Variants in GLI4 observed in about 807,000 individuals in gnomAD.
The protein encoded by GLI4 is zinc finger protein GLI4.
In GLI4, 34 loss-of-function variants were observed where a neutral mutation model predicts 30.9. That is an observed-to-expected ratio of 1.10 (90% CI 0.84 to 1.47). GLI4 has a LOEUF of 1.47. GLI4 is among the 40% of genes most tolerant of loss of function. The pLI is 0.00. For missense variants in GLI4, 696 were observed against 538.9 expected (o/e 1.29, Z -2.89); for synonymous variants, 277 against 236.7 (o/e 1.17, Z -1.56).
intron 1 of GLI4, 65 bp downstream of exon 1, chr8:143,267,549 CGCCGTACTCCGCGGTGCA>C (rs1430825765): frequency 1.4e-5 from 14 of 985,364 alleles, no homozygotes; most frequent in Non-Finnish European, 1.7e-5. Context: ...CGAGCTCGTG[CGCCGTACTCCGCGGTGCA>C]GCCCTGCCCA....
Position 143,275,801 on chromosome 8 carries a change from C to T in GLI4, c.224-96C>T, listed in dbSNP as rs1815370926. ...GGCCCCTCCTTGTCCCCTCTAAGCC[C>T]CCCCGTCCAGCTCTGCTCTCACTCC... On this transcript the variant is annotated intron_variant, in intron 3 of 3. Transcript: ENST00000340042. 3.2e-6 allele frequency: 4 copies of T among 1,247,468 alleles called. No individual in the cohort carries two copies. In the South Asian group the frequency reaches 1.4e-4, roughly 45 times the overall value. 77.3% of individuals were successfully genotyped at this position (1,247,468 alleles called of 1,614,324 possible). A position where few individuals can be genotyped will look rare whatever the true frequency, so the allele number is the denominator to read the frequency against.
Position 143,276,814 on chromosome 8 carries a change from G to T in GLI4, c.*10G>T. ...GCACTACCGCGAGTAGCCGGGCGGG[G>T]GCTCGGGGCTCGGCCTCCTACCTGC... On this transcript the variant is annotated 3_prime_UTR_variant, in exon 4 of 4. Coordinates refer to ENST00000340042, the MANE Select transcript of GLI4 (RefSeq NM_138465.4). 3.3e-6 allele frequency: 5 copies of T among 1,507,598 alleles called. No individual in the cohort carries two copies. The highest frequency in any genetic ancestry group is 4.4e-6 in the Non-Finnish European group (5 of 1,125,534). 93.4% of individuals were successfully genotyped at this position (1,507,598 alleles called of 1,614,324 possible).
intron 2 of GLI4, among the ~76,000 whole-genome samples, chr8:143,271,892 G>A (rs757353579): frequency 1.8e-4 from 28 of 152,246 alleles, no homozygotes; most frequent in Non-Finnish European, 2.9e-4. Flanking sequence ...GAGACCAGGC[G>A]GTGGGAACAG....
Position 143,276,810 on chromosome 8 carries a change from C to A in GLI4, c.*6C>A. On this transcript the variant is annotated 3_prime_UTR_variant, in exon 4 of 4. Transcript: ENST00000340042. ...GGGTGCACTACCGCGAGTAGCCGGG[C>A]GGGGGCTCGGGGCTCGGCCTCCTAC... 2 of 1,524,988 alleles carry A rather than the reference C, an allele frequency of 1.3e-6. No homozygotes were observed. Among genetic ancestry groups the A allele is most frequent in the South Asian group, 1.2e-5 (1 of 80,832 alleles). 94.5% of individuals were successfully genotyped at this position (1,524,988 alleles called of 1,614,324 possible). A position where few individuals can be genotyped will look rare whatever the true frequency, so the allele number is the denominator to read the frequency against.
Position 143,276,125 on chromosome 8 carries a change from C to G in GLI4, c.452C>G (p.Ala151Gly). 6.6e-7 allele frequency: 1 copy of G among 1,520,648 alleles called. No individual in the cohort carries two copies. Among genetic ancestry groups the G allele is most frequent in the Non-Finnish European group, 8.8e-7 (1 of 1,137,324 alleles). 94.2% of individuals were successfully genotyped at this position (1,520,648 alleles called of 1,614,324 possible). A position where few individuals can be genotyped will look rare whatever the true frequency, so the allele number is the denominator to read the frequency against. Reference protein sequence around the residue: ...GAWRVTLVQQAAAGPEGAPER... With the variant: ...GAWRVTLVQQGAAGPEGAPER... Reference sequence around the variant, plus strand: ...TGGCGCGTGACGCTCGTGCAGCAAGCAGCGGCCGGGCCCGAGGGTGCGCCC... The same window carrying G: ...TGGCGCGTGACGCTCGTGCAGCAAGGAGCGGCCGGGCCCGAGGGTGCGCCC... Residue 151 changes from alanine to glycine, a missense_variant, in exon 4 of 4, where the codon GCA (alanine) becomes GGA (glycine). Transcript: ENST00000340042.
Position 143,276,150 on chromosome 8 carries a change from C to G in GLI4, c.477C>G (p.Pro159=), listed in dbSNP as rs749278881. The G allele has an allele frequency of 1.5e-4, 226 of 1,546,546 alleles. 1 individual carries two copies. The highest frequency in any genetic ancestry group is 1.3e-3 in the Middle Eastern group (6 of 4,740). Residue 159 remains proline, a synonymous_variant, in exon 4 of 4, where the codon CCC becomes CCG. Transcript: ENST00000340042. ...CAGCGGCCGGGCCCGAGGGTGCGCC[C>G]GAGCGGGCTGCCGAGCTGGGAGTCA... The part of the protein sequence containing the change: ...QQAAAGPEGA[P]ERAAELGVNF...
intron 1 of GLI4, chr8:143,267,878 C>T: frequency 2.0e-6 from 2 of 985,458 alleles, no homozygotes; most frequent in Non-Finnish European, 1.2e-6. Context: ...GCCGAGCTCC[C>T]GGCGATTGGG....
Position 143,274,774 on chromosome 8 carries a change from G to A in GLI4, c.195G>A (p.Val65=), listed in dbSNP as rs1461324401. The A allele has an allele frequency of 2.5e-6, 4 of 1,569,252 alleles. No individual in the cohort carries two copies. The highest frequency in any genetic ancestry group is 1.2e-5 in the South Asian group (1 of 86,206). The part of the protein sequence containing the change: ...SDLDLQDVEE[V]EIGRDTFWPD... ...TGGATCTCCAAGACGTAGAGGAAGT[G>A]GAGATCGGCAGAGACACCTTCTGGC... The change falls in exon 3 of 4, where the codon GTG becomes GTA. Residue 65 remains valine (V), a synonymous_variant. Coordinates refer to ENST00000340042, the MANE Select transcript of GLI4 (RefSeq NM_138465.4).
chr8:143,276,018 C>T lies in GLI4; in HGVS notation c.345C>T (p.Ala115=), dbSNP rs759536086. The change falls in exon 4 of 4, where the codon GCC becomes GCT. Residue 115 remains alanine (A), a synonymous_variant. Transcript: ENST00000340042. ...TTCCCCGCAGGGCCCGGTGCAGCGCCGGCTTCGGGCCTGAATCCAGCGCGG... is the reference window on the plus strand; with the variant it reads ...TTCCCCGCAGGGCCCGGTGCAGCGCTGGCTTCGGGCCTGAATCCAGCGCGG... ...RSLPRRARCS[A]GFGPESSAER... is the part of the protein sequence containing the mutation. 1.9e-5 allele frequency: 27 copies of T among 1,408,794 alleles called. No individual in the cohort carries two copies. The highest frequency in any genetic ancestry group is 1.5e-4 in the Admixed American group (5 of 33,716). The allele number at this position is 1,408,794 out of a possible 1,614,324, so 87.3% of individuals were successfully genotyped here. A position where few individuals can be genotyped will look rare whatever the true frequency, so the allele number is the denominator to read the frequency against.
Position 143,276,710 on chromosome 8 carries a change from C to G in GLI4, c.1037C>G (p.Thr346Arg), listed in dbSNP as rs1471822087. 3 of 1,611,030 alleles carry G rather than the reference C, an allele frequency of 1.9e-6. No homozygotes were observed. Among genetic ancestry groups the G allele is most frequent in the Middle Eastern group, 1.6e-4 (1 of 6,062 alleles). ...TTCTTCCGGCACCTGCGGACCCACA[C>G]GGGCGAGAAGCCCTTCGCGTGTGGC... ...SHFFRHLRTH[T>R]GEKPFACGAC... The change falls in exon 4 of 4, where the codon ACG becomes AGG. Residue 346 changes from threonine (T) to arginine (R), a missense_variant. Coordinates refer to ENST00000340042, the MANE Select transcript of GLI4 (RefSeq NM_138465.4).
At chr8:143,267,846 C>G in intron 1 of GLI4, 6 of 985,456 alleles carry the variant, frequency 6.1e-6, no homozygotes, top group Non-Finnish European at 7.2e-6. Context: ...CAGCGCCGCA[C>G]CGCCGGGCGG....
Position 143,276,791 on chromosome 8 carries a change from A to C in GLI4, c.1118A>C (p.His373Pro). ...CAGCTCATCCAGCACCAGCGGGTGC[A>C]CTACCGCGAGTAGCCGGGCGGGGGC... ...SSQLIQHQRV[H>P]YRE The change falls in exon 4 of 4, where the codon CAC becomes CCC. Residue 373 changes from histidine to proline, a missense_variant. His to Pro is a moderately conservative substitution (Grantham distance 77). Transcript: ENST00000340042. The C allele has an allele frequency of 6.3e-7, 1 of 1,574,938 alleles. No homozygotes were observed. The highest frequency in any genetic ancestry group is 8.6e-7 in the Non-Finnish European group (1 of 1,161,756).
At chr8:143,268,962 G>A (rs566233096) in intron 1 of GLI4, among the ~76,000 whole-genome samples, 3 of 151,756 alleles carry the variant, frequency 2.0e-5, no homozygotes, top group African/African-American at 4.8e-5. Flanking sequence ...TCCTGCCTCA[G>A]CTTCCCAAGT....
chr8:143,275,526 T>C lies in GLI4; in HGVS notation c.224-371T>C, dbSNP rs1815364328. The stretch of plus-strand genomic sequence containing the variant: ...CCTCGGCAAGGGCTTTGAGGCGCCC[T>C]CTGGAGCTCTGGCGTCCCCCAGGCT... On this transcript the variant is annotated intron_variant, in intron 3 of 3. Coordinates refer to ENST00000340042, the MANE Select transcript of GLI4 (RefSeq NM_138465.4). 6.3e-6 allele frequency: 8 copies of C among 1,261,658 alleles called. No homozygotes were observed. The Middle Eastern group carries it at 1.2e-3, about 189-fold the overall frequency. 78.2% of individuals were successfully genotyped at this position (1,261,658 alleles called of 1,614,324 possible).
intron 1 of GLI4, among the ~76,000 whole-genome samples, chr8:143,268,811 A>G (rs529656992): frequency 2.7e-3 from 216 of 80,508 alleles, no homozygotes; most frequent in Admixed American, 6.1e-3. Flanking sequence ...GCTGCTTCCT[A>G]AGCGCGCCTT....
rs528586964 is a variant in GLI4, at chr8:143,276,621, C to T, written c.948C>T (p.Ile316=). 36 of 1,612,636 alleles carry T rather than the reference C, an allele frequency of 2.2e-5. 2 individuals are homozygous for T. In the South Asian group the frequency reaches 3.7e-4, roughly 17 times the overall value. ...WSSVLIEHQR[I]HTGEKPYECS... is the part of the protein sequence containing the mutation. ...CCGTGCTCATCGAGCACCAGCGCAT[C>T]CACACTGGCGAGAAGCCCTACGAGT... The change falls in exon 4 of 4, where the codon ATC becomes ATT. Residue 316 remains isoleucine, a synonymous_variant. Coordinates refer to ENST00000340042, the MANE Select transcript of GLI4 (RefSeq NM_138465.4).
At chr8:143,270,528 A>G (rs1815245205) in intron 2 of GLI4, among the ~76,000 whole-genome samples, 2 of 152,144 alleles carry the variant, frequency 1.3e-5, no homozygotes, top group South Asian at 4.1e-4. Context: ...GTCCTGGTGG[A>G]CCTGGCCAGG....
chr8:143,272,189 A>G (rs1364248452), intron 2 of GLI4, among the ~76,000 whole-genome samples: 4 of 152,122 alleles, frequency 2.6e-5, no homozygotes, highest in Non-Finnish European at 1.5e-5. Context: ...CCAGGCTGTT[A>G]GGGAGGACCC....
intron 3 of GLI4, 49 bp from the exon 4 acceptor site, chr8:143,275,848 A>T (rs1815372284): frequency 8.0e-7 from 1 of 1,255,444 alleles, no homozygotes; most frequent in Non-Finnish European, 1.0e-6. Context: ...CCTCCGTGCC[A>T]CGGTGGGGGC....
Sources: allele counts gnomAD v4.1 joint callset (sites outside exome capture counted in the v4.1 genomes callset), GRCh38; gene constraint gnomAD v4.1.1; transcripts MANE v1.5; gene names NCBI Gene and HGNC (gene_info 2026-07-23, HGNC 2026-07-21).